The following SPRY3 variants were observed in gnomAD, a reference collection of about 807,000 sequenced individuals.
SPRY3 encodes the protein sprouty RTK signaling antagonist 3.
In SPRY3, 15 loss-of-function variants were observed where a neutral mutation model predicts 20.2. The observed-to-expected ratio is 0.74, with a 90% CI of 0.50 to 1.14. SPRY3 has a LOEUF of 1.14. Ranked by LOEUF, SPRY3 falls within the 50% of genes most tolerant of loss-of-function variation. The pLI is 0.00. For synonymous variants in SPRY3, 143 were observed against 136.5 expected (o/e 1.05, Z -0.33); for missense variants, 364 against 363.9 (o/e 1.00, Z 0.00).
chrX:155,769,599 A>C (rs2123997088), intron 3 of SPRY3, among the ~76,000 whole-genome samples: 1 of 152,308 alleles, frequency 6.6e-6, no homozygotes, highest in Admixed American at 6.5e-5. Flanking sequence ...AATTTTCCTC[A>C]GGATTAGATG....
At chrX:155,744,891 G>A (rs1392564502) in intron 2 of SPRY3, among the ~76,000 whole-genome samples, 1 of 152,014 alleles carries the variant, frequency 6.6e-6, no homozygotes, top group Non-Finnish European at 1.5e-5. Context: ...GGCTTCAGGG[G>A]TTCTTTCTGG....
intron 2 of SPRY3, among the ~76,000 whole-genome samples, chrX:155,705,945 C>T (rs1224056395): frequency 6.6e-6 from 1 of 151,246 alleles, no homozygotes; most frequent in African/African-American, 2.4e-5. Context: ...ACAATTCTGT[C>T]AACAGCTAGT....
chrX:155,765,080 A>G (rs2091319506), intron 2 of SPRY3, among the ~76,000 whole-genome samples: 1 of 152,154 alleles, frequency 6.6e-6, no homozygotes, highest in South Asian at 2.1e-4. Context: ...AGGGCTCCAC[A>G]TACATTATTT....
chrX:155,747,545 A>G (rs1410825461), intron 2 of SPRY3, among the ~76,000 whole-genome samples: 1 of 152,000 alleles, frequency 6.6e-6, no homozygotes, highest in Non-Finnish European at 1.5e-5. Flanking sequence ...CACTCTTTTA[A>G]GCTACCAGCC....
chrX:155,767,668 AAGG>A (rs2091342809), intron 2 of SPRY3: 1 of 114,612 alleles, frequency 8.7e-6, no homozygotes, highest in African/African-American at 3.2e-5. Context: ...GGAGGAGGAG[AAGG>A]GGGAGGAGAA....
chrX:155,650,473 A>G (rs951627441), intron 1 of SPRY3, among the ~76,000 whole-genome samples: 9 of 112,120 alleles, frequency 8.0e-5, no homozygotes, highest in African/African-American at 2.9e-4. Flanking sequence ...CAATAGAATT[A>G]TAAATTGATT....
chrX:155,777,849 T>C (rs1292265415), downstream of SPRY3: 1 of 166,474 alleles, frequency 6.0e-6, no homozygotes, highest in Non-Finnish European at 1.5e-5. Context: ...TCTACTGCCT[T>C]CCACATATTG....
intron 2 of SPRY3, among the ~76,000 whole-genome samples, chrX:155,728,782 C>T (rs146926731): frequency 0.024 from 3,584 of 152,228 alleles, 127 homozygotes; most frequent in African/African-American, 0.08. Flanking sequence ...GAGGCGACAC[C>T]CTGCCCTGCT....
At chrX:155,764,490 A>C (rs1487173027) in intron 2 of SPRY3, among the ~76,000 whole-genome samples, 1 of 152,208 alleles carries the variant, frequency 6.6e-6, no homozygotes, top group Admixed American at 6.5e-5. Flanking sequence ...AAACAGCTTA[A>C]AGAACAAATA....
At chrX:155,747,859 C>T (rs992854896) in intron 2 of SPRY3, among the ~76,000 whole-genome samples, 18 of 151,672 alleles carry the variant, frequency 1.2e-4, no homozygotes, top group South Asian at 8.3e-4. Flanking sequence ...AATTTCCAAT[C>T]GGCCATGGAC....
intron 1 of SPRY3, among the ~76,000 whole-genome samples, chrX:155,644,295 A>G (rs2067950905): frequency 9.1e-6 from 1 of 109,403 alleles, no homozygotes; most frequent in African/African-American, 3.3e-5. Context: ...TGAAGCCAGC[A>G]CAGCAATGGG....
At chrX:155,777,635 T>TGA (rs1556247134), downstream of SPRY3, 2 of 18,800 alleles carry the variant, frequency 1.1e-4, no homozygotes, top group Admixed American at 7.8e-4. Flanking sequence ...CCTTCTGTGA[T>TGA]TATATATATT....
chrX:155,685,720 A>G (rs1177500736), intron 2 of SPRY3, among the ~76,000 whole-genome samples: 1 of 111,420 alleles, frequency 9.0e-6, no homozygotes, highest in Non-Finnish European at 1.9e-5. Flanking sequence ...AGCTCCATCC[A>G]TGTCCCTACA....
chrX:155,616,130 C>CCT (rs1557348859), intron 1 of SPRY3, among the ~76,000 whole-genome samples: 9 of 57,175 alleles, frequency 1.6e-4, no homozygotes, highest in African/African-American at 3.9e-4. Context: ...CTCTCTCTCT[C>CCT]CTCTCTCTCT....
intron 2 of SPRY3, among the ~76,000 whole-genome samples, chrX:155,729,945 G>A (rs1044500194): frequency 9.9e-5 from 15 of 152,032 alleles, no homozygotes; most frequent in Non-Finnish European, 1.5e-5. Flanking sequence ...CAATAAATTG[G>A]AAAATCTAGA....
At chrX:155,774,535 T>C (rs773843797) in exon 4 of SPRY3, 29 of 1,613,888 alleles carry the variant, frequency 1.8e-5, no homozygotes, top group Non-Finnish European at 1.6e-5. Flanking sequence ...CTTTGTCCGC[T>C]GGGCAGCCAT....
intron 2 of SPRY3, among the ~76,000 whole-genome samples, chrX:155,756,473 G>A (rs2124587457): frequency 6.6e-6 from 1 of 152,220 alleles, no homozygotes; most frequent in East Asian, 1.9e-4. Context: ...CTAGTCAGAA[G>A]TATGACAGGC....
chrX:155,767,698 G>C (rs2091343775), intron 2 of SPRY3: 1 of 131,008 alleles, frequency 7.6e-6, no homozygotes, highest in African/African-American at 3.0e-5. Flanking sequence ...GGAGGAGGAG[G>C]AGAAAGAAGA....
intron 2 of SPRY3, among the ~76,000 whole-genome samples, chrX:155,685,831 G>A (rs1457970147): frequency 1.8e-5 from 2 of 111,053 alleles, no homozygotes; most frequent in African/African-American, 6.6e-5. Context: ...GCAGTGGCGC[G>A]ATCTCAGCTG....
Sources: gnomAD v4.1 joint callset for allele counts (sites outside exome capture counted in the v4.1 genomes callset) on GRCh38, gnomAD v4.1.1 for gene constraint, MANE v1.5 for transcripts, NCBI Gene and HGNC (gene_info 2026-07-23, HGNC 2026-07-21) for gene names.